The following CP variants were observed in gnomAD, a reference collection of about 807,000 sequenced individuals.
CP encodes caeruloplasmin.
A neutral mutation model predicts 122.4 loss-of-function variants in CP; 64 were observed. The observed-to-expected ratio is 0.52, with a 90% CI of 0.43 to 0.64. The LOEUF (loss-of-function observed/expected upper bound fraction) is 0.64. Among genes scored for constraint, CP ranks in the 30% least tolerant of loss-of-function variants. CP has a pLI of 0.00. For missense variants in CP, 1,167 were observed against 1,284.4 expected, an observed-to-expected ratio of 0.91 and a Z score of 1.40; for synonymous variants, 440 against 436.4, an observed-to-expected ratio of 1.01 and a Z score of -0.10.
chr3:149,212,972 A>G (rs1442798453), intron 1 of CP, among the ~76,000 whole-genome samples: 1 of 152,210 alleles, frequency 6.6e-6, no homozygotes, highest in Non-Finnish European at 1.5e-5. Flanking sequence ...TATTTTCTCC[A>G]TGATTTTTAT....
intron 1 of CP, among the ~76,000 whole-genome samples, chr3:149,214,967 C>T (rs147875321): frequency 2.3e-3 from 357 of 152,272 alleles, no homozygotes; most frequent in African/African-American, 8.3e-3. Context: ...CTGGTCCCAC[C>T]GGAACCCTGG....
intron 14 of CP, among the ~76,000 whole-genome samples, chr3:149,181,573 G>C (rs1725775726): frequency 6.6e-6 from 1 of 152,126 alleles, no homozygotes; most frequent in African/African-American, 2.4e-5. Context: ...AGAAACATTT[G>C]ATGATCTCCT....
At chr3:149,177,480 G>A (rs897777486) in intron 17 of CP, among the ~76,000 whole-genome samples, 1 of 152,116 alleles carries the variant, frequency 6.6e-6, no homozygotes, top group African/African-American at 2.4e-5. Context: ...GGATGCTCAA[G>A]TCCCTTATAT....
intron 18 of CP, among the ~76,000 whole-genome samples, chr3:149,173,934 T>C (rs549574521): frequency 6.6e-6 from 1 of 152,294 alleles, no homozygotes; most frequent in East Asian, 1.9e-4. Context: ...ACAAGATCTT[T>C]ATTAATTGTA....
chr3:149,172,229 C>T, downstream of CP: 1 of 1,599,434 alleles, frequency 6.3e-7, no homozygotes, highest in Non-Finnish European at 8.5e-7. Flanking sequence ...TTAAAGGTAT[C>T]ATTTGAAAAA....
At chr3:149,217,162 G>A (rs1389895359) in intron 1 of CP, among the ~76,000 whole-genome samples, 1 of 152,070 alleles carries the variant, frequency 6.6e-6, no homozygotes, top group African/African-American at 2.4e-5. Flanking sequence ...GCCTCCCAAA[G>A]TGCTGGGATT....
At chr3:149,179,947 T>G (rs542573724) in intron 14 of CP, 2 of 356,282 alleles carry the variant, frequency 5.6e-6, no homozygotes, top group South Asian at 3.0e-5. Flanking sequence ...ACTTCAATAT[T>G]ACAATTTGAA....
At chr3:149,214,857 A>T (rs1728353204) in intron 1 of CP, among the ~76,000 whole-genome samples, 1 of 152,232 alleles carries the variant, frequency 6.6e-6, no homozygotes, top group Non-Finnish European at 1.5e-5. Context: ...GCAGAGAGTC[A>T]TTCAGTCCAT....
In CP at chr3:149,166,356, A is replaced by G. The variant is rs578072459; in HGVS notation, c.587-306T>C. Among the ~76,000 whole-genome samples the G allele has an allele frequency of 2.0e-5, 3 of 152,352 alleles. No individual in the cohort carries two copies. In the East Asian group the frequency reaches 5.8e-4, roughly 29 times the overall value. On this transcript the variant is annotated intron_variant, in intron 4 of 5. Transcript: ENST00000479771. ...CATGCTTATAGAAAATTTGGAAACTACAGGAAGGGGTGTAAAGAAAACAAA... is the reference window on the plus strand; with the variant it reads ...CATGCTTATAGAAAATTTGGAAACTGCAGGAAGGGGTGTAAAGAAAACAAA...
chr3:149,180,297 A>G (rs528511468), intron 14 of CP, among the ~76,000 whole-genome samples: 2 of 152,274 alleles, frequency 1.3e-5, no homozygotes, highest in South Asian at 2.1e-4. Flanking sequence ...ACTCCCACAT[A>G]CAGGACATAA....
intron 6 of CP, among the ~76,000 whole-genome samples, chr3:149,202,492 G>T (rs1727397532): frequency 6.6e-6 from 1 of 151,926 alleles, no homozygotes; most frequent in Non-Finnish European, 1.5e-5. Flanking sequence ...AAAATTTTCA[G>T]AAGGGCCCCT....
At chr3:149,219,312 T>G (rs939488449) in intron 1 of CP, among the ~76,000 whole-genome samples, 2 of 152,192 alleles carry the variant, frequency 1.3e-5, no homozygotes, top group Non-Finnish European at 2.9e-5. Flanking sequence ...GTATCTCTAT[T>G]AAGTATACTT....
At chr3:149,219,873 G>A (rs1213503198) in intron 1 of CP, among the ~76,000 whole-genome samples, 2 of 147,444 alleles carry the variant, frequency 1.4e-5, no homozygotes, top group African/African-American at 5.0e-5. Context: ...GGAAGGTATG[G>A]GAAAGTTTGC....
rs1311153742 is a variant in CP at position 149,210,218 on chromosome 3, G to A, written c.556C>T (p.Pro186Ser). ...TRIYHSHIDA[P>S]KDIASGLIGP... is the part of the protein sequence containing the mutation. The stretch of plus-strand genomic sequence containing the variant: ...ATGAGTCCTGAGGCAATATCTTTTG[G>A]AGCATCAATGTGGGAATGGTAAATC... Residue 186 changes from proline (P) to serine (S), a missense_variant, in exon 3 of 19, where the codon CCA becomes TCA. Coordinates refer to ENST00000264613, the MANE Select transcript of CP (RefSeq NM_000096.4). 6.2e-7 allele frequency: 1 copy of A among 1,613,816 alleles called. No individual in the cohort carries two copies. The highest frequency in any genetic ancestry group is 8.5e-7 in the Non-Finnish European group (1 of 1,179,924).
intron 14 of CP, among the ~76,000 whole-genome samples, chr3:149,181,784 A>G (rs1166444854): frequency 1.3e-5 from 2 of 152,074 alleles, no homozygotes; most frequent in Admixed American, 6.5e-5. Flanking sequence ...ATAGATGTCT[A>G]CTACCTTCAG....
chr3:149,203,012 T>G (rs1727452750), intron 6 of CP, among the ~76,000 whole-genome samples: 1 of 147,750 alleles, frequency 6.8e-6, no homozygotes, highest in Admixed American at 6.8e-5. Context: ...GTTCAAGCAA[T>G]TCTCCTGCCT....
Position 149,209,278 on chromosome 3 carries a change from G to C in CP, c.714C>G (p.Thr238=). 1 of 1,613,686 alleles carries C rather than the reference G, an allele frequency of 6.2e-7. No individual in the cohort carries two copies. Among genetic ancestry groups the C allele is most frequent in the Non-Finnish European group, 8.5e-7 (1 of 1,179,764 alleles). ...CAACTTTCTCTGGTTCTGAGCAGTA[G>C]GTTTTAATGTTGTCTTCTAGGTACC... ...FSWYLEDNIK[T]YCSEPEKVDK... is the part of the protein sequence containing the mutation. Residue 238 remains threonine (T), a synonymous_variant, in exon 4 of 19, where the codon ACC becomes ACG. Coordinates refer to ENST00000264613, the MANE Select transcript of CP (RefSeq NM_000096.4).
intron 7 of CP, 113 bp downstream of exon 7, chr3:149,201,989 G>A (rs766402867): frequency 1.2e-5 from 16 of 1,315,522 alleles, no homozygotes; most frequent in East Asian, 6.9e-5. Context: ...TCTTCCACAC[G>A]CCTACTTAAC....
At chr3:149,206,464 A>G in intron 5 of CP, 125 bp from the exon 6 acceptor site, 2 of 1,072,044 alleles carry the variant, frequency 1.9e-6, no homozygotes, top group Non-Finnish European at 2.9e-6. Context: ...CAACAGTACT[A>G]TAAACTAGGG....
Sources: gnomAD v4.1 joint callset for allele counts (sites outside exome capture counted in the v4.1 genomes callset) on GRCh38, gnomAD v4.1.1 for gene constraint, MANE v1.5 for transcripts, NCBI Gene and HGNC (gene_info 2026-07-23, HGNC 2026-07-21) for gene names.